The following FHIP2B variants were observed in gnomAD, a reference collection of about 807,000 sequenced individuals.
FHIP2B encodes the protein FHF complex subunit HOOK-interacting protein 2B.
A neutral mutation model predicts 84.0 loss-of-function variants in FHIP2B; 72 were observed. The ratio of observed to expected loss-of-function variants is 0.86; its 90% CI spans 0.71 to 1.04. FHIP2B has a LOEUF of 1.04. FHIP2B is among the 50% of genes least tolerant of loss of function. The pLI is 0.00. For missense variants in FHIP2B, 972 were observed against 968.9 expected (o/e 1.00, Z -0.04); for synonymous variants, 497 against 418.7 (o/e 1.19, Z -2.28).
chr8:22,091,709 G>T (rs1025903675), intron 1 of FHIP2B, among the ~76,000 whole-genome samples: 3 of 152,198 alleles, frequency 2.0e-5, no homozygotes, highest in African/African-American at 7.2e-5. Context: ...CCGTACTGGA[G>T]TATTCTTTTT....
At chr8:22,098,001 C>T (rs963986897) in intron 5 of FHIP2B, 67 bp from the exon 6 acceptor site, 35 of 1,529,512 alleles carry the variant, frequency 2.3e-5, no homozygotes, top group African/African-American at 1.9e-4. Context: ...GCCCACCCTG[C>T]GGTCCCAGTG....
chr8:22,098,667 A>C, intron 7 of FHIP2B, 48 bp downstream of exon 7: 1 of 1,480,692 alleles, frequency 6.8e-7, no homozygotes, highest in South Asian at 1.3e-5. Context: ...AGTTGCTGGC[A>C]GCCCTGCCTG....
intron 5 of FHIP2B, 89 bp from the exon 6 acceptor site, chr8:22,097,979 G>A (rs536903609): frequency 7.2e-6 from 11 of 1,527,334 alleles, no homozygotes; most frequent in African/African-American, 4.1e-5. Context: ...CCAGGCCGAC[G>A]CCCTGCTGGC....
chr8:22,103,733 G>A lies in FHIP2B; in HGVS notation c.*802G>A, dbSNP rs546422941. 2 of 152,496 alleles carry A rather than the reference G, an allele frequency of 1.3e-5. No homozygotes were observed. Among genetic ancestry groups the A allele is most frequent in the African/African-American group, 2.4e-5 (1 of 41,588 alleles). 9.4% of individuals were successfully genotyped at this position (152,496 alleles called of 1,614,324 possible). A position where few individuals can be genotyped will look rare whatever the true frequency, so the allele number is the denominator to read the frequency against. The stretch of plus-strand genomic sequence containing the variant: ...GAGGCCGGGCCTTGCCCTCCCTTCT[G>A]CCCAGGGCCCAGTGTTCTTGATAGA... On this transcript the variant is annotated 3_prime_UTR_variant, in exon 17 of 17. Transcript: ENST00000289921.
chr8:22,098,102 G>C lies in FHIP2B; in HGVS notation c.560G>C (p.Gly187Ala), dbSNP rs561649776. Residue 187 changes from glycine (G) to alanine (A), a missense_variant, in exon 6 of 17, where the codon GGA becomes GCA. Gly to Ala is a moderately conservative substitution (Grantham distance 60). Coordinates refer to ENST00000289921, the MANE Select transcript of FHIP2B (RefSeq NM_022749.7). ...ATTGTAGGTAGGAAGAAAGCATGCG[G>C]AGAACCCACTGCCCTGCCTAAGGAC... The part of the protein sequence containing the change: ...KKIVGRKKAC[G>A]EPTALPKDTT... 3.8e-6 allele frequency: 6 copies of C among 1,591,062 alleles called. No individual in the cohort carries two copies. In the Admixed American group the frequency reaches 1.1e-4, roughly 28 times the overall value.
chr8:22,097,276 TC>T (rs1419370200), intron 3 of FHIP2B, among the ~76,000 whole-genome samples: 2 of 151,938 alleles, frequency 1.3e-5, no homozygotes, highest in African/African-American at 4.8e-5. Context: ...GGTGCAGTGT[TC>T]CAGGTGGGGG....
chr8:22,090,162 TGC>T (rs1825408774), intron 1 of FHIP2B, among the ~76,000 whole-genome samples: 1 of 91,084 alleles, frequency 1.1e-5, no homozygotes, highest in Non-Finnish European at 2.2e-5. Flanking sequence ...GTGGGGGGGG[TGC>T]CCGCTGTTGA....
Position 22,098,936 on chromosome 8 carries a change from C to G in FHIP2B, c.966-12C>G, listed in dbSNP as rs764202149. On this transcript the variant is annotated splice_polypyrimidine_tract_variant and intron_variant, in intron 7 of 16. Transcript: ENST00000289921. ...CTCCACTCTCTGAGACTTCACTCCC[C>G]TCTTCCTTCAGGTTACCCAGTGCCC... is the stretch of plus-strand genomic sequence containing the variant. The G allele has an allele frequency of 1.3e-6, 2 of 1,590,486 alleles. No homozygotes were observed. Among genetic ancestry groups the G allele is most frequent in the Admixed American group, 1.7e-5 (1 of 57,658 alleles).
At position 22,096,480 on chromosome 8, in the gene FHIP2B, G is replaced by A. The variant is rs1316683955; in HGVS notation, c.268G>A (p.Glu90Lys). 6.4e-7 allele frequency: 1 copy of A among 1,552,856 alleles called. No individual in the cohort carries two copies. The highest frequency in any genetic ancestry group is 2.0e-5 in the Admixed American group (1 of 51,180). Residue 90 changes from glutamate to lysine, a missense_variant, in exon 3 of 17, where the codon GAG becomes AAG. Glu to Lys is a moderately conservative substitution (Grantham distance 56). Coordinates refer to ENST00000289921, the MANE Select transcript of FHIP2B (RefSeq NM_022749.7). Reference sequence around the variant, plus strand: ...GTACCTGCTGCAGCACAAGATCCTGGAGACTCTCTGCACGCTGGGCAAGGC... The same window carrying A: ...GTACCTGCTGCAGCACAAGATCCTGAAGACTCTCTGCACGCTGGGCAAGGC... ...LEYLLQHKILETLCTLGKAEY... is the reference protein window; with the variant it reads ...LEYLLQHKILKTLCTLGKAEY...
chr8:22,096,763 A>C, intron 3 of FHIP2B: 1 of 443,380 alleles, frequency 2.3e-6, no homozygotes, highest in Non-Finnish European at 3.9e-6. Context: ...CAGGACGGGC[A>C]CTGTGGCTGT....
chr8:22,102,726 C>T, intron 16 of FHIP2B, 67 bp from the exon 17 acceptor site: 1 of 1,604,114 alleles, frequency 6.2e-7, no homozygotes, highest in Non-Finnish European at 8.5e-7. Flanking sequence ...CTCGTGGATG[C>T]TGGGCTGTCA....
At position 22,102,867 on chromosome 8, in the gene FHIP2B, T is replaced by G; in HGVS notation, c.2168T>G (p.Phe723Cys). ...TGCAAGGAGCTGGCTGCCATTGCCTTCGTCAAGTTTCCCCCACATGATCCT... is the reference window on the plus strand; with the variant it reads ...TGCAAGGAGCTGGCTGCCATTGCCTGCGTCAAGTTTCCCCCACATGATCCT... ...EFCKELAAIA[F>C]VKFPPHDPRQ... is the part of the protein sequence containing the mutation. Residue 723 changes from phenylalanine (F) to cysteine (C), a missense_variant, in exon 17 of 17, where the codon TTC (phenylalanine) becomes TGC (cysteine). Coordinates refer to ENST00000289921, the MANE Select transcript of FHIP2B (RefSeq NM_022749.7). The G allele has an allele frequency of 6.2e-7, 1 of 1,613,682 alleles. No individual in the cohort carries two copies. The highest frequency in any genetic ancestry group is 8.5e-7 in the Non-Finnish European group (1 of 1,179,814).
At position 22,089,250 on chromosome 8, in the gene FHIP2B, C is replaced by T. The variant is rs537868387; in HGVS notation, c.-4C>T. ...CGCCCGGGAGCCGGGGGCCGGGCGC[C>T]ATCATGCTGAGCCGGCTCGGGGCGC... is the stretch of plus-strand genomic sequence containing the variant. On this transcript the variant is annotated 5_prime_UTR_variant, in exon 1 of 17. Transcript: ENST00000289921. The T allele has an allele frequency of 2.6e-3, 2,796 of 1,060,658 alleles. 5 individuals are homozygous for T. The highest frequency in any genetic ancestry group is 3.0e-3 in the Non-Finnish European group (2,648 of 879,898). 65.7% of individuals were successfully genotyped at this position (1,060,658 alleles called of 1,614,324 possible). A position where few individuals can be genotyped will look rare whatever the true frequency, so the allele number is the denominator to read the frequency against.
chr8:22,100,561 G>T, intron 10 of FHIP2B, 33 bp from the exon 11 acceptor site: 1 of 1,499,134 alleles, frequency 6.7e-7, no homozygotes. Flanking sequence ...GGGTGGGGAA[G>T]GGGCTATCCT....
chr8:22,103,074 A>G lies in FHIP2B; in HGVS notation c.*143A>G. On this transcript the variant is annotated 3_prime_UTR_variant, in exon 17 of 17. Transcript: ENST00000289921. ...AAGGAGACTGCGGCATGTTGACCACACCAGACTGGGTTTCAGGGAATGGGC... is the reference window on the plus strand; with the variant it reads ...AAGGAGACTGCGGCATGTTGACCACGCCAGACTGGGTTTCAGGGAATGGGC... 1 of 1,099,448 alleles carries G rather than the reference A, an allele frequency of 9.1e-7. No individual in the cohort carries two copies. The highest frequency in any genetic ancestry group is 1.3e-6 in the Non-Finnish European group (1 of 790,376). 68.1% of individuals were successfully genotyped at this position (1,099,448 alleles called of 1,614,324 possible).
chr8:22,096,565 G>A, intron 3 of FHIP2B, 56 bp downstream of exon 3: 1 of 1,446,412 alleles, frequency 6.9e-7, no homozygotes, highest in Non-Finnish European at 9.1e-7. Context: ...CTGCGCGCTT[G>A]GCCAGGCCGA....
chr8:22,102,608 G>C lies in FHIP2B; in HGVS notation c.2073G>C (p.Thr691=). ...GKLLLVRKQL[T]GQAPGEQLDH... is the part of the protein sequence containing the mutation. Reference sequence around the variant, plus strand: ...TGCTCCTGGTGCGCAAGCAGTTGACGGGCCAGGCTCCTGGGGAGCAGTGAG... The same window carrying C: ...TGCTCCTGGTGCGCAAGCAGTTGACCGGCCAGGCTCCTGGGGAGCAGTGAG... Residue 691 remains threonine (T), a synonymous_variant, in exon 16 of 17, where the codon ACG becomes ACC. Coordinates refer to ENST00000289921, the MANE Select transcript of FHIP2B (RefSeq NM_022749.7). The C allele has an allele frequency of 6.4e-7, 1 of 1,563,214 alleles. No homozygotes were observed. The highest frequency in any genetic ancestry group is 8.7e-7 in the Non-Finnish European group (1 of 1,154,108).
rs1483416631 is a variant in FHIP2B, at chr8:22,101,917, G to A, written c.1851+66G>A. On this transcript the variant is annotated intron_variant, in intron 14 of 16. Coordinates refer to ENST00000289921, the MANE Select transcript of FHIP2B (RefSeq NM_022749.7). ...CCTCTGGGGTCCTTCAAGAGCAGAG[G>A]TTGGCCACAGGGTTGCCTCTGCTTC... is the stretch of plus-strand genomic sequence containing the variant. 3 of 1,573,610 alleles carry A rather than the reference G, an allele frequency of 1.9e-6. No homozygotes were observed. In the African/African-American group the frequency reaches 4.0e-5, roughly 21 times the overall value.
At position 22,102,777 on chromosome 8, in the gene FHIP2B, T is replaced by C; in HGVS notation, c.2094-16T>C. Reference sequence around the variant, plus strand: ...TGCCCCCACCCAGCCATGCCCCCTGTGCCATCTCCCCTCAGGCTGGACCAC... The same window carrying C: ...TGCCCCCACCCAGCCATGCCCCCTGCGCCATCTCCCCTCAGGCTGGACCAC... On this transcript the variant is annotated splice_polypyrimidine_tract_variant and intron_variant, in intron 16 of 16. Transcript: ENST00000289921. The C allele has an allele frequency of 6.2e-7, 1 of 1,612,262 alleles. No individual in the cohort carries two copies. Among genetic ancestry groups the C allele is most frequent in the Non-Finnish European group, 8.5e-7 (1 of 1,179,226 alleles).
Sources: gnomAD v4.1 joint callset for allele counts (sites outside exome capture counted in the v4.1 genomes callset) on GRCh38, gnomAD v4.1.1 for gene constraint, MANE v1.5 for transcripts, NCBI Gene and HGNC (gene_info 2026-07-23, HGNC 2026-07-21) for gene names.